Variants in COMMD10 observed in about 807,000 individuals in gnomAD.
COMMD10 encodes COMM domain-containing protein 10.
In COMMD10, 33 loss-of-function variants were observed where a neutral mutation model predicts 28.9. That is an observed-to-expected ratio of 1.14 (90% CI 0.87 to 1.53). The LOEUF is 1.53. Among genes scored for constraint, COMMD10 ranks in the 40% most tolerant of loss-of-function variants. COMMD10 has a pLI of 0.00. For synonymous variants in COMMD10, 110 were observed against 81.7 expected, an observed-to-expected ratio of 1.35 and a Z score of -1.87; for missense variants, 310 against 233.4, an observed-to-expected ratio of 1.33 and a Z score of -2.14.
intron 5 of COMMD10, among the ~76,000 whole-genome samples, chr5:116,265,629 G>GGGCTAC (rs1170305738): frequency 2.0e-5 from 3 of 151,760 alleles, no homozygotes; most frequent in Admixed American, 6.6e-5. Context: ...TCAAGGCCCT[G>GGGCTAC]GGCTACGTAC....
chr5:116,121,171 C>T (rs1751421045), intron 4 of COMMD10, among the ~76,000 whole-genome samples: 1 of 152,080 alleles, frequency 6.6e-6, no homozygotes, highest in Non-Finnish European at 1.5e-5. Context: ...GTGATGTTCC[C>T]CTTCCTCTGT....
At chr5:116,192,742 T>C (rs1748402882) in intron 5 of COMMD10, among the ~76,000 whole-genome samples, 1 of 152,204 alleles carries the variant, frequency 6.6e-6, no homozygotes, top group South Asian at 2.1e-4. Context: ...AAAACATATT[T>C]GATGGAATCA....
intron 5 of COMMD10, among the ~76,000 whole-genome samples, chr5:116,230,871 T>A (rs1170260193): frequency 6.6e-6 from 1 of 150,730 alleles, no homozygotes; most frequent in East Asian, 1.9e-4. Context: ...TGTGTAGACA[T>A]CTTTAGTAGA....
chr5:116,236,269 T>A (rs1365345337), intron 5 of COMMD10, among the ~76,000 whole-genome samples: 1 of 152,002 alleles, frequency 6.6e-6, no homozygotes, highest in African/African-American at 2.4e-5. Context: ...TTTGGGAAGC[T>A]GAGGTGGGTG....
At chr5:116,237,466 GA>G (rs1274331131) in intron 5 of COMMD10, among the ~76,000 whole-genome samples, 4 of 120,914 alleles carry the variant, frequency 3.3e-5, no homozygotes, top group African/African-American at 1.2e-4. Context: ...TCATAAACTT[GA>G]AAAAAAATAC....
At chr5:116,258,302 C>A (rs1415512825) in intron 5 of COMMD10, among the ~76,000 whole-genome samples, 2 of 151,756 alleles carry the variant, frequency 1.3e-5, no homozygotes, top group Non-Finnish European at 2.9e-5. Flanking sequence ...TTACTCTCTT[C>A]CTCCCTGTTA....
chr5:116,238,124 C>T (rs1352536576), intron 5 of COMMD10, among the ~76,000 whole-genome samples: 1 of 152,184 alleles, frequency 6.6e-6, no homozygotes, highest in African/African-American at 2.4e-5. Context: ...TCGCCTTGAA[C>T]TGTTTAGACC....
intron 5 of COMMD10, among the ~76,000 whole-genome samples, chr5:116,190,251 A>C (rs912013796): frequency 1.3e-5 from 2 of 152,170 alleles, no homozygotes; most frequent in Non-Finnish European, 2.9e-5. Flanking sequence ...ATATATATAT[A>C]TCTAGTAGAA....
intron 4 of COMMD10, among the ~76,000 whole-genome samples, chr5:116,115,259 A>G (rs1395449358): frequency 2.6e-5 from 4 of 152,168 alleles, no homozygotes; most frequent in Non-Finnish European, 2.9e-5. Flanking sequence ...CCTGGATTAT[A>G]CAATTGATTC....
chr5:116,132,261 G>C (rs926488646), intron 4 of COMMD10, among the ~76,000 whole-genome samples: 4 of 152,156 alleles, frequency 2.6e-5, no homozygotes, highest in Middle Eastern at 6.8e-3. Flanking sequence ...AATCCTTTAG[G>C]TGTGCATGTT....
At chr5:116,221,115 C>T (rs1472709157) in intron 5 of COMMD10, among the ~76,000 whole-genome samples, 1 of 147,094 alleles carries the variant, frequency 6.8e-6, no homozygotes, top group Non-Finnish European at 1.5e-5. Flanking sequence ...TCCAAAGGCA[C>T]ATTGGCACCT....
At position 116,264,007 on chromosome 5, in the gene COMMD10, C is replaced by A. The variant is rs548147296; in HGVS notation, c.511-27510C>A. The stretch of plus-strand genomic sequence containing the variant: ...TCGTCGACAGAGCAAACCGTACTTC[C>A]TGAAAAGATTAAGAGTTAGACAGCT... On this transcript the variant is annotated intron_variant, in intron 5 of 6. Coordinates refer to ENST00000274458, the MANE Select transcript of COMMD10 (RefSeq NM_016144.4). 4.6e-5 allele frequency among the ~76,000 whole-genome samples: 7 copies of A among 151,898 alleles called. No homozygotes were observed. The East Asian group carries it at 1.2e-3, about 25-fold the overall frequency.
In COMMD10 at chr5:116,181,463, A is replaced by G. The variant is rs557490118; in HGVS notation, c.510+47285A>G. On this transcript the variant is annotated intron_variant, in intron 5 of 6. Transcript: ENST00000274458. ...TCTAGTATGAAAGAAATTAGCAGAA[A>G]TCAGAGCAGTTTAAACCTATCTACA... Among the ~76,000 whole-genome samples the G allele has an allele frequency of 2.0e-5, 3 of 150,674 alleles. No homozygotes were observed. In the East Asian group the frequency reaches 5.8e-4, roughly 29 times the overall value.
chr5:116,133,948 C>T, intron 4 of COMMD10, 120 bp from the exon 5 acceptor site: 1 of 617,840 alleles, frequency 1.6e-6, no homozygotes, highest in South Asian at 2.0e-5. Context: ...AGCCCTGGAA[C>T]TGACTTTCTG....
chr5:116,146,044 G>A (rs967565209), intron 5 of COMMD10, among the ~76,000 whole-genome samples: 2 of 151,826 alleles, frequency 1.3e-5, no homozygotes, highest in Non-Finnish European at 2.9e-5. Flanking sequence ...TATTTTCCAG[G>A]ATCACTCAGT....
intron 5 of COMMD10, among the ~76,000 whole-genome samples, chr5:116,247,234 T>G (rs1277522023): frequency 6.6e-6 from 1 of 152,046 alleles, no homozygotes. Flanking sequence ...TCAACATCAC[T>G]GATTATTAGA....
chr5:116,107,187 G>A (rs1750867788), intron 4 of COMMD10, among the ~76,000 whole-genome samples: 1 of 151,952 alleles, frequency 6.6e-6, no homozygotes, highest in African/African-American at 2.4e-5. Flanking sequence ...GTATCTTTGC[G>A]GTGTTCCCTC....
At chr5:116,208,652 C>G (rs1484377435) in intron 5 of COMMD10, among the ~76,000 whole-genome samples, 2 of 152,102 alleles carry the variant, frequency 1.3e-5, no homozygotes, top group Non-Finnish European at 2.9e-5. Context: ...GAGGTGAGCA[C>G]AAGCTTCCTT....
intron 5 of COMMD10, among the ~76,000 whole-genome samples, chr5:116,249,105 T>G (rs1345291833): frequency 6.6e-6 from 1 of 151,990 alleles, no homozygotes; most frequent in Non-Finnish European, 1.5e-5. Context: ...ATTCATATTC[T>G]TCCTTTAAAG....
Sources: allele counts gnomAD v4.1 joint callset (sites outside exome capture counted in the v4.1 genomes callset), GRCh38; gene constraint gnomAD v4.1.1; transcripts MANE v1.5; gene names NCBI Gene and HGNC (gene_info 2026-07-23, HGNC 2026-07-21).